The following LRIF1 variants were observed in gnomAD, a reference collection of about 807,000 sequenced individuals.
LRIF1 encodes ligand dependent nuclear receptor interacting factor 1.
In LRIF1, 32 loss-of-function variants were observed where a neutral mutation model predicts 52.7. That is an observed-to-expected ratio of 0.61 (90% CI 0.46 to 0.82). The LOEUF is 0.82. LRIF1 is among the 40% of genes least tolerant of loss of function. The probability of loss-of-function intolerance (pLI) is 0.00; values close to 1 mark genes in which losing one functional copy is unlikely to be tolerated. For synonymous variants in LRIF1, 323 were observed against 317.4 expected (o/e 1.02, Z -0.19); for missense variants, 887 against 892.0 (o/e 0.99, Z 0.07).
At chr1:110,927,012 A>T in the LRIF1 span, among the ~76,000 whole-genome samples, 2 of 152,184 alleles carry the variant, frequency 1.3e-5, no homozygotes, top group Admixed American at 6.6e-5. Context: ...GAAAAGGTAG[A>T]CTTTTCAATT....
the LRIF1 span, among the ~76,000 whole-genome samples, chr1:110,883,937 ATAAGTT>A: frequency 4.9e-3 from 741 of 152,088 alleles, 5 homozygotes; most frequent in African/African-American, 0.017. Context: ...TTACCTGTGT[ATAAGTT>A]TATCAATTTT....
At chr1:110,892,928 T>G in the LRIF1 span, 1 of 175,888 alleles carries the variant, frequency 5.7e-6, no homozygotes. Context: ...TAATGGAAAA[T>G]AATTTCTAGG....
chr1:110,887,727 T>G, the LRIF1 span, among the ~76,000 whole-genome samples: 2 of 152,218 alleles, frequency 1.3e-5, no homozygotes, highest in South Asian at 4.1e-4. Context: ...CCAGTCTGAC[T>G]GGTGGGAATA....
At chr1:110,902,552 GAA>G in the LRIF1 span, among the ~76,000 whole-genome samples, 1 of 105,900 alleles carries the variant, frequency 9.4e-6, no homozygotes, top group Non-Finnish European at 2.1e-5. Context: ...AAAGAAGAAA[GAA>G]AGAATTCTAA....
At chr1:110,920,017 A>T in the LRIF1 span, among the ~76,000 whole-genome samples, 1 of 152,222 alleles carries the variant, frequency 6.6e-6, no homozygotes, top group Admixed American at 6.5e-5. Context: ...TATCCAATAG[A>T]ATGGCCCAAA....
In LRIF1 at chr1:110,948,466, A is replaced by C. The variant is rs145465985; in HGVS notation, c.1870-67T>G. On this transcript the variant is annotated intron_variant, in intron 3 of 3. Coordinates refer to ENST00000369763, the MANE Select transcript of LRIF1 (RefSeq NM_018372.4). ...ACTGCTAAATGCACCGGGTACTACC[A>C]AACTTAACAACGTCTGCAGAAACAA... is the stretch of plus-strand genomic sequence containing the variant. 69 of 1,498,708 alleles carry C rather than the reference A, an allele frequency of 4.6e-5. 1 individual carries two copies. In the African/African-American group the frequency reaches 9.4e-4, roughly 20 times the overall value. The allele number at this position is 1,498,708 out of a possible 1,614,324, so 92.8% of individuals were successfully genotyped here. A position where few individuals can be genotyped will look rare whatever the true frequency, so the allele number is the denominator to read the frequency against.
chr1:110,948,097 AT>A lies in LRIF1; in HGVS notation c.2171del (p.Tyr724LeufsTer8). Reference sequence around the variant, plus strand: ...GTGTCACTGGGAAAATATCTTCGGTATAATTTTTATTGAAGAAATGACTTTG... The same window carrying A: ...GTGTCACTGGGAAAATATCTTCGGTAAATTTTTATTGAAGAAATGACTTTG... ...YEQSHFFNKN[Y>X]TEDIFPVTPP... On this transcript the variant is annotated frameshift_variant, in exon 4 of 4. Coordinates refer to ENST00000369763, the MANE Select transcript of LRIF1 (RefSeq NM_018372.4). LOFTEE classifies it high-confidence loss of function. 6.2e-7 allele frequency: 1 copy of A among 1,614,086 alleles called. No individual in the cohort carries two copies.
the LRIF1 span, chr1:110,937,276 C>T: frequency 6.6e-6 from 1 of 152,072 alleles, no homozygotes; most frequent in Admixed American, 6.5e-5. Context: ...GCAGAATACA[C>T]ATGCTTCTCC....
chr1:110,903,419 T>C, the LRIF1 span, among the ~76,000 whole-genome samples: 2 of 152,094 alleles, frequency 1.3e-5, no homozygotes, highest in African/African-American at 4.8e-5. Context: ...TTGTTTTGCA[T>C]CTTGGATACC....
At chr1:110,875,597 G>C in the LRIF1 span, among the ~76,000 whole-genome samples, 1 of 152,154 alleles carries the variant, frequency 6.6e-6, no homozygotes, top group Non-Finnish European at 1.5e-5. Flanking sequence ...CTTGTACCAA[G>C]CAAGCATCCA....
chr1:110,886,862 T>TAC, the LRIF1 span, among the ~76,000 whole-genome samples: 2 of 77,018 alleles, frequency 2.6e-5, no homozygotes, highest in Non-Finnish European at 5.8e-5. Context: ...TATATATATA[T>TAC]ATATATATTT....
chr1:110,895,996 T>A, the LRIF1 span, among the ~76,000 whole-genome samples: 2 of 152,208 alleles, frequency 1.3e-5, no homozygotes, highest in Admixed American at 1.3e-4. Flanking sequence ...TCTCAAAAAA[T>A]TTTAATTGAC....
chr1:110,896,009 G>T, the LRIF1 span, among the ~76,000 whole-genome samples: 1 of 151,986 alleles, frequency 6.6e-6, no homozygotes, highest in Non-Finnish European at 1.5e-5. Flanking sequence ...TAATTGACTT[G>T]TTCAAATCAA....
the LRIF1 span, among the ~76,000 whole-genome samples, chr1:110,883,315 A>C: frequency 6.6e-6 from 1 of 151,980 alleles, no homozygotes; most frequent in Non-Finnish European, 1.5e-5. Flanking sequence ...TTGAGATGAT[A>C]ATTTATTTTC....
At chr1:110,923,909 T>C in the LRIF1 span, among the ~76,000 whole-genome samples, 1 of 152,108 alleles carries the variant, frequency 6.6e-6, no homozygotes, top group Middle Eastern at 3.2e-3. Context: ...TAAAGATATG[T>C]AATAACATGT....
At chr1:110,942,525 CAGTT>C (rs1658116470), downstream of LRIF1, among the ~76,000 whole-genome samples, 2 of 152,014 alleles carry the variant, frequency 1.3e-5, no homozygotes, top group Admixed American at 6.5e-5. Context: ...AGCAGAGAGA[CAGTT>C]AGTTGATTAT....
Position 110,952,547 on chromosome 1 carries a change from C to A in LRIF1, c.337G>T (p.Asp113Tyr). The change falls in exon 2 of 4, where the codon GAT (aspartate) becomes TAT (tyrosine). Residue 113 changes from aspartate (D) to tyrosine (Y), a missense_variant. Asp to Tyr is a radical substitution (Grantham distance 160). Coordinates refer to ENST00000369763, the MANE Select transcript of LRIF1 (RefSeq NM_018372.4). ...SSNYFLTRTV[D>Y]TSEKGRVTSV... ...GTAACTCTACCTTTTTCTGATGTAT[C>A]TACTGTTCTTGTAAGAAAATAGTTT... 6.2e-7 allele frequency: 1 copy of A among 1,614,018 alleles called. No individual in the cohort carries two copies. The highest frequency in any genetic ancestry group is 8.5e-7 in the Non-Finnish European group (1 of 1,179,904).
the LRIF1 span, among the ~76,000 whole-genome samples, chr1:110,890,583 G>GAGAAAC: frequency 1.3e-5 from 2 of 150,260 alleles, no homozygotes; most frequent in Non-Finnish European, 3.0e-5. Context: ...GAAAGAAAGA[G>GAGAAAC]AGAAAGAGAA....
the LRIF1 span, among the ~76,000 whole-genome samples, chr1:110,886,872 T>TTTTC: frequency 7.0e-6 from 1 of 143,808 alleles, no homozygotes; most frequent in Non-Finnish European, 1.5e-5. Flanking sequence ...TATATATATT[T>TTTTC]TTTTTTTCTG....
Sources: allele counts gnomAD v4.1 joint callset (sites outside exome capture counted in the v4.1 genomes callset), GRCh38; gene constraint gnomAD v4.1.1; transcripts MANE v1.5; gene names NCBI Gene and HGNC (gene_info 2026-07-23, HGNC 2026-07-21).